The following FOXO1 variants were observed in gnomAD, a reference collection of about 807,000 sequenced individuals.
FOXO1 encodes forkhead box protein O1.
In FOXO1, 6 loss-of-function variants were observed where a neutral mutation model predicts 44.1. That is an observed-to-expected ratio of 0.14 (90% CI 0.07 to 0.27). FOXO1 has a LOEUF of 0.27. Among genes scored for constraint, FOXO1 ranks in the 10% least tolerant of loss-of-function variants. The probability of loss-of-function intolerance (pLI) is 1.00; values close to 1 mark genes in which losing one functional copy is unlikely to be tolerated. For synonymous variants in FOXO1, 380 were observed against 362.7 expected (o/e 1.05, Z -0.54); for missense variants, 737 against 888.8 (o/e 0.83, Z 2.17).
At chr13:40,651,379 A>G (rs1877681978) in intron 1 of FOXO1, among the ~76,000 whole-genome samples, 1 of 152,172 alleles carries the variant, frequency 6.6e-6, no homozygotes, top group East Asian at 1.9e-4. Flanking sequence ...CCCTAGGAGA[A>G]CCACTACAGA....
Position 40,594,272 on chromosome 13 carries a change from G to T in FOXO1, c.631-33412C>A, listed in dbSNP as rs1056154780. Among the ~76,000 whole-genome samples the T allele has an allele frequency of 6.5e-4, 99 of 152,118 alleles. 3 individuals are homozygous for T. The highest frequency in any genetic ancestry group is 8.8e-5 in the Non-Finnish European group (6 of 68,014). ...CTTCTGGAGTTTAAGGGGGCCAATG[G>T]GGGCAGCGGGAGCCAAGCAAAAGTC... On this transcript the variant is annotated intron_variant, in intron 1 of 2. Transcript: ENST00000379561.
intron 1 of FOXO1, among the ~76,000 whole-genome samples, chr13:40,587,068 C>T (rs1249256944): frequency 6.6e-6 from 1 of 152,082 alleles, no homozygotes; most frequent in Non-Finnish European, 1.5e-5. Context: ...GAAATGTTGG[C>T]AACCAGCAGC....
intron 1 of FOXO1, among the ~76,000 whole-genome samples, chr13:40,644,488 G>A (rs1877451888): frequency 6.6e-6 from 1 of 152,138 alleles, no homozygotes; most frequent in Admixed American, 6.6e-5. Flanking sequence ...TAGAGTAAAA[G>A]CCAAATCTAA....
chr13:40,570,185 C>T (rs1018069850), intron 1 of FOXO1, among the ~76,000 whole-genome samples: 9 of 151,902 alleles, frequency 5.9e-5, no homozygotes, highest in Non-Finnish European at 1.0e-4. Context: ...TGGCACGTGC[C>T]TGTAATCCCA....
chr13:40,651,423 CAAAACCAGAAAAGAGGAT>C (rs1877683923), intron 1 of FOXO1, among the ~76,000 whole-genome samples: 1 of 152,038 alleles, frequency 6.6e-6, no homozygotes, highest in South Asian at 2.1e-4. Context: ...GTATCCACTC[CAAAACCAGAAAAGAGGAT>C]ATCAATAACA....
At position 40,644,511 on chromosome 13, in the gene FOXO1, A is replaced by G. The variant is rs921720259; in HGVS notation, c.630+21072T>C. On this transcript the variant is annotated intron_variant, in intron 1 of 2. Transcript: ENST00000379561. ...AAGCCAAATCTAACCAGAGCCAGAG[A>G]AAAAAAATCACAATGTTAAGACCTG... Among the ~76,000 whole-genome samples, 5 of 151,992 alleles carry G rather than the reference A, an allele frequency of 3.3e-5. 1 individual carries two copies. In the South Asian group the frequency reaches 6.2e-4, roughly 19 times the overall value.
intron 1 of FOXO1, among the ~76,000 whole-genome samples, chr13:40,641,434 C>A (rs906957913): frequency 1.3e-5 from 2 of 150,810 alleles, no homozygotes; most frequent in African/African-American, 4.9e-5. Context: ...ATATATATAT[C>A]ATTATATATT....
chr13:40,596,065 G>T (rs1327737353), intron 1 of FOXO1, among the ~76,000 whole-genome samples: 2 of 151,962 alleles, frequency 1.3e-5, no homozygotes, highest in Non-Finnish European at 2.9e-5. Context: ...AAGGACAGGG[G>T]TTTCAGCCTA....
At chr13:40,615,535 A>T (rs774213141) in intron 1 of FOXO1, among the ~76,000 whole-genome samples, 39 of 58,876 alleles carry the variant, frequency 6.6e-4, no homozygotes, top group South Asian at 2.4e-3. Flanking sequence ...TCAAATACAT[A>T]CATACATACA....
intron 1 of FOXO1, among the ~76,000 whole-genome samples, chr13:40,568,090 G>A (rs1437330348): frequency 6.6e-6 from 1 of 152,080 alleles, no homozygotes; most frequent in Non-Finnish European, 1.5e-5. Flanking sequence ...GAAAACCTGT[G>A]GGGACTCACA....
Position 40,639,063 on chromosome 13 carries a change from G to C in FOXO1, c.630+26520C>G, listed in dbSNP as rs529018888. Reference sequence around the variant, plus strand: ...ACAAAAATTAGCCAGGTGTGGTGGTGCGTGCCTGTAATCCCAGCTACTTGG... The same window carrying C: ...ACAAAAATTAGCCAGGTGTGGTGGTCCGTGCCTGTAATCCCAGCTACTTGG... On this transcript the variant is annotated intron_variant, in intron 1 of 2. Coordinates refer to ENST00000379561, the MANE Select transcript of FOXO1 (RefSeq NM_002015.4). 1.1e-4 allele frequency among the ~76,000 whole-genome samples: 16 copies of C among 152,210 alleles called. 1 individual carries two copies. Among genetic ancestry groups the C allele is most frequent in the South Asian group, 4.2e-4 (2 of 4,810 alleles).
intron 1 of FOXO1, among the ~76,000 whole-genome samples, chr13:40,630,172 T>C (rs1392820615): frequency 6.6e-6 from 1 of 152,094 alleles, no homozygotes; most frequent in Non-Finnish European, 1.5e-5. Flanking sequence ...GCATATTTGT[T>C]CTAGGAATTC....
At chr13:40,567,299 G>A (rs1166341748) in intron 1 of FOXO1, among the ~76,000 whole-genome samples, 6 of 151,690 alleles carry the variant, frequency 4.0e-5, no homozygotes, top group African/African-American at 7.3e-5. Context: ...TTCATACCCC[G>A]TGTTTTATAT....
In FOXO1 at chr13:40,577,681, G is replaced by C. The variant is rs530242760; in HGVS notation, c.631-16821C>G. 3.3e-5 allele frequency among the ~76,000 whole-genome samples: 5 copies of C among 152,264 alleles called. No homozygotes were observed. In the South Asian group the frequency reaches 8.3e-4, roughly 25 times the overall value. On this transcript the variant is annotated intron_variant, in intron 1 of 2. Coordinates refer to ENST00000379561, the MANE Select transcript of FOXO1 (RefSeq NM_002015.4). ...TATTCTCCTCACCAGCCCAAACTAA[G>C]TAAACTAATCACCTCCATTAATCTA...
In FOXO1 at chr13:40,559,950, T is replaced by C. The variant is rs772361290; in HGVS notation, c.1541A>G (p.Asn514Ser). The change falls in exon 2 of 3, where the codon AAC becomes AGC. Residue 514 changes from asparagine (N) to serine (S), a missense_variant. Asn to Ser is a conservative substitution (Grantham distance 46). Transcript: ENST00000379561. ...ATGGGAGCTGGGATTCATCATTTTG[T>C]TATGAGATGCCTGGCTGCCATAGGT... Reference protein sequence around the residue: ...MSTYGSQASHNKMMNPSSHTH... With the variant: ...MSTYGSQASHSKMMNPSSHTH... 2.0e-5 allele frequency: 32 copies of C among 1,614,038 alleles called. No homozygotes were observed. Among genetic ancestry groups the C allele is most frequent in the Admixed American group, 8.3e-5 (5 of 59,994 alleles).
chr13:40,660,948 A>AAAC (rs138057018), intron 1 of FOXO1, among the ~76,000 whole-genome samples: 6,177 of 149,354 alleles, frequency 0.041, 139 homozygotes, highest in African/African-American at 0.046. Context: ...TGGCTCAGAA[A>AAAC]AACAACAACA....
At position 40,590,368 on chromosome 13, in the gene FOXO1, T is replaced by C. The variant is rs188877669; in HGVS notation, c.631-29508A>G. Among the ~76,000 whole-genome samples, 286 of 152,318 alleles carry C rather than the reference T, an allele frequency of 1.9e-3. 1 individual carries two copies. The highest frequency in any genetic ancestry group is 6.6e-3 in the African/African-American group (276 of 41,560). ...ACAGAAACCTTCTCCTTGCTAAGAC[T>C]CTTCGGTCTCTTCTTACATAAAGAC... On this transcript the variant is annotated intron_variant, in intron 1 of 2. Coordinates refer to ENST00000379561, the MANE Select transcript of FOXO1 (RefSeq NM_002015.4).
At chr13:40,663,825 T>C (rs1476862162) in intron 1 of FOXO1, among the ~76,000 whole-genome samples, 1 of 152,242 alleles carries the variant, frequency 6.6e-6, no homozygotes, top group Non-Finnish European at 1.5e-5. Context: ...GGAACTTCAA[T>C]AAGGTGTGAG....
chr13:40,652,372 G>A (rs565638114), intron 1 of FOXO1, among the ~76,000 whole-genome samples: 1 of 147,912 alleles, frequency 6.8e-6, no homozygotes, highest in East Asian at 2.0e-4. Context: ...TGCAACCTCT[G>A]GCTCCCCAGG....
Sources: gnomAD v4.1 joint callset for allele counts (sites outside exome capture counted in the v4.1 genomes callset) on GRCh38, gnomAD v4.1.1 for gene constraint, MANE v1.5 for transcripts, NCBI Gene and HGNC (gene_info 2026-07-23, HGNC 2026-07-21) for gene names.